Variants in SGCZ observed in about 807,000 individuals in gnomAD.
SGCZ encodes the protein sarcoglycan zeta, also known as zeta-sarcoglycan.
Under a neutral mutation model 41.3 loss-of-function variants are expected in SGCZ, and 40 were observed. That is an observed-to-expected ratio of 0.97 (90% CI 0.75 to 1.26). The LOEUF (loss-of-function observed/expected upper bound fraction) is 1.26. Among genes scored for constraint, SGCZ ranks in the 50% most tolerant of loss-of-function variants. The pLI is 0.00. For missense variants in SGCZ, 552 were observed against 369.8 expected, an observed-to-expected ratio of 1.49 and a Z score of -4.04; for synonymous variants, 206 against 137.5, an observed-to-expected ratio of 1.50 and a Z score of -3.49.
At chr8:14,766,443 A>AT (rs1800037455) in intron 1 of SGCZ, among the ~76,000 whole-genome samples, 1 of 152,170 alleles carries the variant, frequency 6.6e-6, no homozygotes, top group African/African-American at 2.4e-5. Flanking sequence ...ATAGGATTAT[A>AT]TCTTCAAGAT....
chr8:14,713,070 C>T (rs915271692), intron 1 of SGCZ, among the ~76,000 whole-genome samples: 5 of 152,062 alleles, frequency 3.3e-5, no homozygotes, highest in African/African-American at 4.8e-5. Context: ...AAGCACAATA[C>T]AACAGTTCTA....
At chr8:14,624,563 T>TA (rs1563161391) in intron 1 of SGCZ, among the ~76,000 whole-genome samples, 1,480 of 107,784 alleles carry the variant, frequency 0.014, 46 homozygotes, top group African/African-American at 0.052. Context: ...TTATTTTTTT[T>TA]TTTTTTTTTT....
intron 5 of SGCZ, among the ~76,000 whole-genome samples, chr8:14,112,130 C>T (rs1368744462): frequency 3.3e-5 from 5 of 152,058 alleles, no homozygotes; most frequent in Admixed American, 6.6e-5. Flanking sequence ...CCAAGAAAGG[C>T]AAGAACACCT....
chr8:14,219,735 G>C (rs1806126314), intron 4 of SGCZ, among the ~76,000 whole-genome samples: 1 of 134,846 alleles, frequency 7.4e-6, no homozygotes. Flanking sequence ...GACAGAGTGA[G>C]ACTTCGTCTC....
chr8:14,444,737 C>A (rs1266428040), intron 2 of SGCZ, among the ~76,000 whole-genome samples: 1 of 151,920 alleles, frequency 6.6e-6, no homozygotes, highest in Non-Finnish European at 1.5e-5. Flanking sequence ...GGGTGCAGCA[C>A]ACCCGCATGG....
chr8:14,630,629 C>A (rs549013805), intron 1 of SGCZ, among the ~76,000 whole-genome samples: 1 of 152,032 alleles, frequency 6.6e-6, no homozygotes, highest in East Asian at 1.9e-4. Context: ...ACCCAAATGT[C>A]CAAAAATGAT....
rs1799984539 is a variant in SGCZ, at chr8:14,269,362, T to A, written c.337-31683A>T. Among the ~76,000 whole-genome samples, 3 of 152,142 alleles carry A rather than the reference T, an allele frequency of 2.0e-5. No individual in the cohort carries two copies. The South Asian group carries it at 6.2e-4, about 32-fold the overall frequency. On this transcript the variant is annotated intron_variant, in intron 3 of 7. Coordinates refer to ENST00000382080, the MANE Select transcript of SGCZ (RefSeq NM_139167.4). The stretch of plus-strand genomic sequence containing the variant: ...TAATATAAACATTCTCGTGCTGTAA[T>A]CACTGTGTAGATCTCTAATTCCTTA...
intron 1 of SGCZ, among the ~76,000 whole-genome samples, chr8:14,584,889 T>G (rs1163888252): frequency 6.6e-6 from 1 of 152,046 alleles, no homozygotes; most frequent in Non-Finnish European, 1.5e-5. Context: ...ACAGAATATG[T>G]AAGGTTAGGA....
intron 2 of SGCZ, among the ~76,000 whole-genome samples, chr8:14,417,070 G>C (rs923998592): frequency 6.6e-6 from 1 of 151,740 alleles, no homozygotes; most frequent in African/African-American, 2.4e-5. Context: ...ATAAGGCCGG[G>C]CAAGACATAT....
At chr8:14,805,672 G>A (rs922554136) in intron 1 of SGCZ, among the ~76,000 whole-genome samples, 26 of 151,292 alleles carry the variant, frequency 1.7e-4, no homozygotes, top group African/African-American at 5.8e-4. Flanking sequence ...ACAGATCAAC[G>A]AGACAGAAAG....
chr8:14,594,475 A>G (rs10113284), intron 1 of SGCZ, among the ~76,000 whole-genome samples: 26,482 of 151,982 alleles, frequency 0.17, 2,831 homozygotes, highest in Admixed American at 0.25. Context: ...TTTCTGCCCA[A>G]TCTCACAATT....
chr8:14,581,968 C>T (rs1235747912), intron 1 of SGCZ, among the ~76,000 whole-genome samples: 1 of 152,108 alleles, frequency 6.6e-6, no homozygotes, highest in East Asian at 1.9e-4. Context: ...ATTCCACCTG[C>T]TCCACCTCTA....
At position 14,687,503 on chromosome 8, in the gene SGCZ, G is replaced by A. The variant is rs936175872; in HGVS notation, c.40-132577C>T. Among the ~76,000 whole-genome samples the A allele has an allele frequency of 4.5e-4, 69 of 151,846 alleles. 1 individual carries two copies. Among genetic ancestry groups the A allele is most frequent in the African/African-American group, 1.6e-3 (67 of 41,388 alleles). ...AATGATGATTTCCAATTTCATCCAT[G>A]TCCCTACAAAGGACATGAACTCATC... is the stretch of plus-strand genomic sequence containing the variant. On this transcript the variant is annotated intron_variant, in intron 1 of 7. Transcript: ENST00000382080.
intron 1 of SGCZ, among the ~76,000 whole-genome samples, chr8:14,845,939 G>A (rs1313094153): frequency 1.3e-5 from 2 of 152,098 alleles, no homozygotes; most frequent in South Asian, 2.1e-4. Context: ...ACTATTAGCG[G>A]GGATAAAAAT....
chr8:14,906,716 C>T (rs764876792), intron 1 of SGCZ, among the ~76,000 whole-genome samples: 4 of 152,094 alleles, frequency 2.6e-5, no homozygotes, highest in East Asian at 1.9e-4. Context: ...CAGAACTTGG[C>T]GTGAGGCACA....
intron 7 of SGCZ, among the ~76,000 whole-genome samples, chr8:14,100,612 A>T (rs1018601401): frequency 1.4e-5 from 2 of 142,738 alleles, no homozygotes; most frequent in African/African-American, 5.3e-5. Flanking sequence ...AATTTATATT[A>T]ATATATTAAT....
chr8:14,237,288 A>G (rs1227870057), intron 4 of SGCZ, among the ~76,000 whole-genome samples: 1 of 152,260 alleles, frequency 6.6e-6, no homozygotes, highest in East Asian at 1.9e-4. Flanking sequence ...AGCCTATGAC[A>G]AGTCAAATCA....
intron 1 of SGCZ, among the ~76,000 whole-genome samples, chr8:14,680,762 G>T (rs1318247694): frequency 2.7e-5 from 4 of 150,326 alleles, no homozygotes; most frequent in African/African-American, 7.5e-5. Flanking sequence ...GCAGAAAAAG[G>T]CATGAGCCTG....
At chr8:14,449,111 G>A (rs145526508) in intron 2 of SGCZ, among the ~76,000 whole-genome samples, 14 of 152,128 alleles carry the variant, frequency 9.2e-5, no homozygotes, top group Non-Finnish European at 2.1e-4. Context: ...TGCAGCCCAG[G>A]CATAGCAAAA....
Sources: gnomAD v4.1 joint callset for allele counts (sites outside exome capture counted in the v4.1 genomes callset) on GRCh38, gnomAD v4.1.1 for gene constraint, MANE v1.5 for transcripts, NCBI Gene and HGNC (gene_info 2026-07-23, HGNC 2026-07-21) for gene names.